Variants in CAMK2D observed in about 807,000 individuals in gnomAD.
The protein encoded by CAMK2D is calcium/calmodulin-dependent protein kinase type II subunit delta.
A neutral mutation model predicts 84.0 loss-of-function variants in CAMK2D; 37 were observed. That is an observed-to-expected ratio of 0.44 (90% CI 0.34 to 0.58). The LOEUF (loss-of-function observed/expected upper bound fraction) is 0.58. Among genes scored for constraint, CAMK2D ranks in the 20% least tolerant of loss-of-function variants. The pLI is 0.02. For synonymous variants in CAMK2D, 202 were observed against 212.5 expected (o/e 0.95, Z 0.43); for missense variants, 448 against 652.5 (o/e 0.69, Z 3.41).
intron 16 of CAMK2D, among the ~76,000 whole-genome samples, chr4:113,498,743 T>G (rs775900610): frequency 4.6e-5 from 7 of 152,228 alleles, no homozygotes; most frequent in African/African-American, 7.2e-5. Flanking sequence ...CTGATATTAT[T>G]ATTTCATTTT....
chr4:113,542,696 CAG>C (rs2098538775), intron 6 of CAMK2D, among the ~76,000 whole-genome samples: 1 of 146,894 alleles, frequency 6.8e-6, no homozygotes, highest in Non-Finnish European at 1.5e-5. Context: ...GCCTGGGCAA[CAG>C]AGCGAGATTC....
At chr4:113,739,082 G>A (rs1294948253) in intron 2 of CAMK2D, among the ~76,000 whole-genome samples, 1 of 152,098 alleles carries the variant, frequency 6.6e-6, no homozygotes, top group Admixed American at 6.6e-5. Flanking sequence ...TCATAGATGT[G>A]TTAATCTTGT....
chr4:113,659,507 T>C lies in CAMK2D; in HGVS notation c.220+2206A>G, dbSNP rs532741663. Among the ~76,000 whole-genome samples the C allele has an allele frequency of 2.0e-5, 3 of 152,302 alleles. No individual in the cohort carries two copies. The South Asian group carries it at 6.2e-4, about 32-fold the overall frequency. On this transcript the variant is annotated intron_variant, in intron 3 of 20. Transcript: ENST00000511664. Reference sequence around the variant, plus strand: ...GTTATCAGTGTGGGCCCTAATCCAATATGACTGGTGTCCTTACAAGAAGAA... The same window carrying C: ...GTTATCAGTGTGGGCCCTAATCCAACATGACTGGTGTCCTTACAAGAAGAA...
intron 4 of CAMK2D, among the ~76,000 whole-genome samples, chr4:113,590,520 T>TAAAA (rs2098866470): frequency 6.6e-6 from 1 of 152,126 alleles, no homozygotes; most frequent in Non-Finnish European, 1.5e-5. Flanking sequence ...TTCCTATGCA[T>TAAAA]AAAACTTTTC....
chr4:113,674,372 T>C (rs572036852), intron 2 of CAMK2D, among the ~76,000 whole-genome samples: 3 of 152,204 alleles, frequency 2.0e-5, no homozygotes, highest in Non-Finnish European at 4.4e-5. Flanking sequence ...ATTTACCTTT[T>C]ACCCAGAATG....
At chr4:113,554,613 G>A (rs1025443984) in intron 4 of CAMK2D, among the ~76,000 whole-genome samples, 1 of 152,074 alleles carries the variant, frequency 6.6e-6, no homozygotes, top group African/African-American at 2.4e-5. Context: ...TATGATAAAT[G>A]TCTGAAAAGG....
chr4:113,546,479 C>G (rs2098573626), intron 6 of CAMK2D, among the ~76,000 whole-genome samples: 1 of 152,108 alleles, frequency 6.6e-6, no homozygotes, highest in Admixed American at 6.6e-5. Context: ...CAAAAGATTG[C>G]AGAAAACTAA....
chr4:113,703,642 C>G (rs2099429709), intron 2 of CAMK2D, among the ~76,000 whole-genome samples: 1 of 151,730 alleles, frequency 6.6e-6, no homozygotes, highest in Non-Finnish European at 1.5e-5. Flanking sequence ...GTCACCAAAC[C>G]TATAAGAACT....
At chr4:113,491,920 T>C (rs2097849450) in intron 16 of CAMK2D, among the ~76,000 whole-genome samples, 1 of 152,218 alleles carries the variant, frequency 6.6e-6, no homozygotes, top group African/African-American at 2.4e-5. Flanking sequence ...TTTTCTAGTT[T>C]ATTTGCGTAG....
At chr4:113,759,070 TTATTCATGC>T (rs2149166346) in intron 2 of CAMK2D, 1 of 245,324 alleles carries the variant, frequency 4.1e-6, no homozygotes, top group Non-Finnish European at 7.7e-6. Flanking sequence ...TAAAATATAG[TTATTCATGC>T]TATTGCTCAT....
intron 3 of CAMK2D, among the ~76,000 whole-genome samples, chr4:113,631,755 A>G (rs140762936): frequency 2.6e-5 from 4 of 152,290 alleles, no homozygotes; most frequent in African/African-American, 9.6e-5. Flanking sequence ...GGCACCATAA[A>G]CCTGCTTGCA....
chr4:113,490,444 G>C (rs1474301840), intron 16 of CAMK2D, among the ~76,000 whole-genome samples: 1 of 103,050 alleles, frequency 9.7e-6, no homozygotes, highest in Non-Finnish European at 1.9e-5. Flanking sequence ...TCAAAGATCA[G>C]ATAGTTGTAG....
intron 2 of CAMK2D, among the ~76,000 whole-genome samples, chr4:113,734,522 G>C (rs2099576445): frequency 6.6e-6 from 1 of 151,714 alleles, no homozygotes. Flanking sequence ...CAAATAGAAG[G>C]CATATATACA....
intron 8 of CAMK2D, among the ~76,000 whole-genome samples, chr4:113,520,339 T>C: frequency 6.6e-6 from 1 of 151,930 alleles, no homozygotes; most frequent in South Asian, 2.1e-4. Flanking sequence ...ACTCAGGAGG[T>C]GGAGGTTGCA....
At chr4:113,661,794 T>A (rs2099233598) in intron 2 of CAMK2D, 22 bp from the exon 3 acceptor site, 1 of 1,323,960 alleles carries the variant, frequency 7.6e-7, no homozygotes, top group Non-Finnish European at 1.0e-6. Context: ...AAAAACAGAA[T>A]AAGGCAAAAA....
intron 3 of CAMK2D, among the ~76,000 whole-genome samples, chr4:113,638,371 G>T (rs1344764739): frequency 6.6e-6 from 1 of 151,902 alleles, no homozygotes; most frequent in African/African-American, 2.4e-5. Context: ...TGAGATAGAG[G>T]TTTGGAGAAT....
intron 2 of CAMK2D, among the ~76,000 whole-genome samples, chr4:113,703,818 G>C (rs1487750967): frequency 6.6e-6 from 1 of 151,962 alleles, no homozygotes; most frequent in African/African-American, 2.4e-5. Flanking sequence ...AATCTTTCAT[G>C]ATGAATGGAT....
At chr4:113,549,610 A>G (rs2098608706) in intron 5 of CAMK2D, among the ~76,000 whole-genome samples, 1 of 152,222 alleles carries the variant, frequency 6.6e-6, no homozygotes, top group South Asian at 2.1e-4. Flanking sequence ...TCTGACATAT[A>G]ATAATGCAGA....
chr4:113,737,846 A>G (rs574322833), intron 2 of CAMK2D, among the ~76,000 whole-genome samples: 154 of 152,280 alleles, frequency 1.0e-3, no homozygotes, highest in African/African-American at 3.7e-3. Flanking sequence ...CAAAACATCA[A>G]GCTCTCTAGT....
Sources: allele counts gnomAD v4.1 joint callset (sites outside exome capture counted in the v4.1 genomes callset), GRCh38; gene constraint gnomAD v4.1.1; transcripts MANE v1.5; gene names NCBI Gene and HGNC (gene_info 2026-07-23, HGNC 2026-07-21).